Variants in KLF12 observed in about 807,000 individuals in gnomAD.
KLF12 encodes the protein KLF transcription factor 12.
In KLF12, 9 loss-of-function variants were observed where a neutral mutation model predicts 37.8. The observed-to-expected ratio is 0.24, with a 90% confidence interval of 0.14 to 0.42. The LOEUF (loss-of-function observed/expected upper bound fraction) is 0.42, where lower values mean the gene tolerates loss of function less well. Ranked by LOEUF, KLF12 falls within the 10% of genes least tolerant of loss-of-function variation. KLF12 has a pLI of 1.00. For synonymous variants in KLF12, 208 were observed against 202.1 expected, an observed-to-expected ratio of 1.03 and a Z score of -0.25; for missense variants, 411 against 516.0, an observed-to-expected ratio of 0.80 and a Z score of 1.97.
chr13:74,288,819 TA>T, the KLF12 span, among the ~76,000 whole-genome samples: 3 of 152,158 alleles, frequency 2.0e-5, no homozygotes, highest in African/African-American at 7.2e-5. Context: ...CATGCAGCAC[TA>T]GGGGAGTAGA....
chr13:73,944,023 C>T lies in KLF12; in HGVS notation c.81G>A (p.Pro27=), dbSNP rs150352924. The change falls in exon 3 of 8, where the codon CCG becomes CCA. Residue 27 remains proline, a synonymous_variant. Transcript: ENST00000377669. ...AAAGCTCTGTTTTGACTCTGACTGC[C>T]GGCATCCCATCAAGCATTAACATTC... is the stretch of plus-strand genomic sequence containing the variant. The T allele has an allele frequency of 1.6e-4, 251 of 1,612,700 alleles. No individual in the cohort carries two copies. The highest frequency in any genetic ancestry group is 2.0e-4 in the Non-Finnish European group (231 of 1,179,346).
chr13:74,301,724 G>A, the KLF12 span, among the ~76,000 whole-genome samples: 1 of 152,140 alleles, frequency 6.6e-6, no homozygotes, highest in African/African-American at 2.4e-5. Context: ...ATTTGTTCCT[G>A]CCTTTCAAGA....
chr13:73,852,384 GAATTTGGTTTGAATGAGTTATCTACTGC>G (rs1162173925), intron 3 of KLF12, among the ~76,000 whole-genome samples: 2 of 152,176 alleles, frequency 1.3e-5, no homozygotes, highest in Non-Finnish European at 2.9e-5. Context: ...TGATAACCTG[GAATTTGGTTTGAATGAGTTATCTACTGC>G]ATGCAAGGGG....
the KLF12 span, among the ~76,000 whole-genome samples, chr13:74,266,278 T>C: frequency 1.3e-5 from 2 of 152,194 alleles, no homozygotes; most frequent in African/African-American, 4.8e-5. Context: ...ACCTCTCCAG[T>C]AAGTAACTAG....
chr13:73,735,203 A>C (rs375868720), intron 6 of KLF12, among the ~76,000 whole-genome samples: 7 of 150,472 alleles, frequency 4.7e-5, no homozygotes, highest in African/African-American at 1.7e-4. Context: ...AGGCTGAAGC[A>C]GGAAGGTCGT....
At chr13:74,037,754 A>T (rs1399199660) in intron 1 of KLF12, among the ~76,000 whole-genome samples, 1 of 152,196 alleles carries the variant, frequency 6.6e-6, no homozygotes. Context: ...ATTTTTTTAA[A>T]CAGAAAATGT....
chr13:74,048,633 T>C (rs921389305), intron 1 of KLF12, among the ~76,000 whole-genome samples: 1 of 151,978 alleles, frequency 6.6e-6, no homozygotes, highest in Admixed American at 6.6e-5. Flanking sequence ...AATTCTGGAA[T>C]AGATAAGGAA....
At chr13:73,754,641 CTTAAG>C (rs1323936593) in intron 6 of KLF12, among the ~76,000 whole-genome samples, 2 of 151,656 alleles carry the variant, frequency 1.3e-5, no homozygotes, top group South Asian at 2.1e-4. Flanking sequence ...CTTTCAATAA[CTTAAG>C]TTATTATGAC....
At chr13:74,072,364 A>AATATATATATATATATATATATATATAT (rs773653636) in intron 1 of KLF12, among the ~76,000 whole-genome samples, 2 of 63,064 alleles carry the variant, frequency 3.2e-5, no homozygotes, top group Non-Finnish European at 6.4e-5. Context: ...AAGAAATACA[A>AATATATATATATATATATATATATATAT]ATATATATAT....
chr13:74,136,402 T>A (rs1288759932), upstream of KLF12, among the ~76,000 whole-genome samples: 1 of 152,096 alleles, frequency 6.6e-6, no homozygotes, highest in Non-Finnish European at 1.5e-5. Flanking sequence ...TATCAACAAC[T>A]GCGCAGGATT....
At chr13:74,291,452 C>T in the KLF12 span, among the ~76,000 whole-genome samples, 4 of 152,154 alleles carry the variant, frequency 2.6e-5, no homozygotes, top group African/African-American at 9.7e-5. Context: ...AAGTGAGGCC[C>T]CAAGCATGGC....
intron 1 of KLF12, among the ~76,000 whole-genome samples, chr13:74,094,617 T>A (rs1471773778): frequency 6.7e-6 from 1 of 149,564 alleles, no homozygotes; most frequent in African/African-American, 2.4e-5. Flanking sequence ...TTTTTTTTTT[T>A]GAGATGGAGT....
chr13:74,219,311 A>T, the KLF12 span, among the ~76,000 whole-genome samples: 3 of 152,174 alleles, frequency 2.0e-5, no homozygotes, highest in Non-Finnish European at 4.4e-5. Flanking sequence ...GACCCATGAG[A>T]TGCTTTTTAC....
At chr13:73,738,761 A>C (rs1877720787) in intron 6 of KLF12, among the ~76,000 whole-genome samples, 1 of 152,190 alleles carries the variant, frequency 6.6e-6, no homozygotes, top group Non-Finnish European at 1.5e-5. Flanking sequence ...AGTGATTTTC[A>C]TACAACTTCC....
intron 3 of KLF12, among the ~76,000 whole-genome samples, chr13:73,940,506 TC>T (rs1566472931): frequency 6.6e-6 from 1 of 152,224 alleles, no homozygotes; most frequent in South Asian, 2.1e-4. Context: ...AGATGAGGAC[TC>T]CTGTCACCAA....
intron 7 of KLF12, 123 bp from the exon 8 acceptor site, chr13:73,695,794 G>A (rs922065733): frequency 1.1e-5 from 10 of 931,288 alleles, no homozygotes; most frequent in African/African-American, 4.9e-5. Context: ...AATCTTTGTC[G>A]GGAAACCTTA....
chr13:74,141,504 C>T, the KLF12 span, among the ~76,000 whole-genome samples: 1 of 152,146 alleles, frequency 6.6e-6, no homozygotes. Flanking sequence ...AAAAACCTAA[C>T]TAATGCCAGT....
chr13:73,931,702 T>C (rs550482224), intron 3 of KLF12, among the ~76,000 whole-genome samples: 3 of 152,226 alleles, frequency 2.0e-5, no homozygotes, highest in Admixed American at 1.3e-4. Context: ...GTATGTAAGT[T>C]TTCATGAGTA....
chr13:73,831,096 A>T (rs1209426904), intron 4 of KLF12, among the ~76,000 whole-genome samples: 3 of 152,062 alleles, frequency 2.0e-5, no homozygotes, highest in African/African-American at 7.2e-5. Context: ...AAACTGAATG[A>T]TTTAAAAACA....
Sources: allele counts gnomAD v4.1 joint callset (sites outside exome capture counted in the v4.1 genomes callset), GRCh38; gene constraint gnomAD v4.1.1; transcripts MANE v1.5; gene names NCBI Gene and HGNC (gene_info 2026-07-23, HGNC 2026-07-21).